GPATCH2: variants seen among roughly 807,000 people sequenced by gnomAD.
The protein encoded by GPATCH2 is G patch domain-containing protein 2.
In GPATCH2, 51 loss-of-function variants were observed where a neutral mutation model predicts 58.0. That is an observed-to-expected ratio of 0.88 (90% confidence interval 0.70 to 1.11). The LOEUF is 1.11. GPATCH2 is among the 50% of genes most tolerant of loss of function. The probability of loss-of-function intolerance (pLI) is 0.00; values close to 1 mark genes in which losing one functional copy is unlikely to be tolerated. For missense variants in GPATCH2, 625 were observed against 652.2 expected, an observed-to-expected ratio of 0.96 and a Z score of 0.45; for synonymous variants, 222 against 218.5, an observed-to-expected ratio of 1.02 and a Z score of -0.14.
chr1:217,490,636 T>C (rs1308465552), intron 8 of GPATCH2, among the ~76,000 whole-genome samples: 1 of 152,230 alleles, frequency 6.6e-6, no homozygotes, highest in Non-Finnish European at 1.5e-5. Context: ...ACATTTCTCA[T>C]TTCTAAAAAT....
intron 5 of GPATCH2, among the ~76,000 whole-genome samples, chr1:217,521,116 G>A (rs1663433089): frequency 6.6e-6 from 1 of 152,178 alleles, no homozygotes; most frequent in African/African-American, 2.4e-5. Flanking sequence ...CAAGTACTGG[G>A]ATTACAGGCA....
At chr1:217,535,094 C>T (rs1387884702) in intron 5 of GPATCH2, among the ~76,000 whole-genome samples, 6 of 152,166 alleles carry the variant, frequency 3.9e-5, no homozygotes, top group African/African-American at 1.4e-4. Flanking sequence ...GTTCTTATGC[C>T]TAGCAGATTT....
intron 5 of GPATCH2, among the ~76,000 whole-genome samples, chr1:217,576,736 C>T (rs891328857): frequency 2.6e-5 from 4 of 152,052 alleles, no homozygotes; most frequent in East Asian, 1.9e-4. Context: ...CGCACCAGTA[C>T]GGATTTGGAA....
chr1:217,553,398 C>A (rs1247263591), intron 5 of GPATCH2, among the ~76,000 whole-genome samples: 2 of 152,082 alleles, frequency 1.3e-5, no homozygotes, highest in Non-Finnish European at 2.9e-5. Context: ...CCAATCATCA[C>A]ATTTTATTGA....
At chr1:217,493,969 TA>T (rs1375957935) in intron 7 of GPATCH2, among the ~76,000 whole-genome samples, 1 of 150,152 alleles carries the variant, frequency 6.7e-6, no homozygotes, top group African/African-American at 2.5e-5. Flanking sequence ...GAAAAAAAAA[TA>T]AAAAATTTAT....
intron 6 of GPATCH2, among the ~76,000 whole-genome samples, chr1:217,503,921 T>C (rs1443769780): frequency 1.3e-5 from 2 of 152,174 alleles, no homozygotes; most frequent in Non-Finnish European, 2.9e-5. Context: ...GGGACAGTTA[T>C]TATTACCATT....
In GPATCH2 at chr1:217,536,374, T is replaced by C. The variant is rs186569498; in HGVS notation, c.1099-21485A>G. On this transcript the variant is annotated intron_variant, in intron 5 of 9. Coordinates refer to ENST00000366935, the MANE Select transcript of GPATCH2 (RefSeq NM_018040.5). ...ACAACACTCTGGCAAACAAGAGGCA[T>C]ACATGCACTGAATATTTTATCAAGA... Among the ~76,000 whole-genome samples, 43 of 152,318 alleles carry C rather than the reference T, an allele frequency of 2.8e-4. No individual in the cohort carries two copies. The East Asian group carries it at 7.3e-3, about 26-fold the overall frequency.
intron 5 of GPATCH2, among the ~76,000 whole-genome samples, chr1:217,603,378 C>T (rs1339152606): frequency 1.3e-5 from 2 of 152,040 alleles, no homozygotes; most frequent in African/African-American, 4.8e-5. Context: ...GAATATAATA[C>T]ACATTAAAAT....
chr1:217,509,730 T>C (rs990554945), intron 6 of GPATCH2, among the ~76,000 whole-genome samples: 1 of 152,210 alleles, frequency 6.6e-6, no homozygotes, highest in African/African-American at 2.4e-5. Flanking sequence ...GAGCCTATGA[T>C]TTGAGTGTAA....
At chr1:217,628,939 A>G (rs2102862277) in intron 1 of GPATCH2, among the ~76,000 whole-genome samples, 1 of 152,226 alleles carries the variant, frequency 6.6e-6, no homozygotes, top group Middle Eastern at 3.4e-3. Context: ...TTGGGGGGGT[A>G]TACTGGAATC....
At chr1:217,607,878 T>C (rs368338870) in intron 5 of GPATCH2, among the ~76,000 whole-genome samples, 9 of 152,238 alleles carry the variant, frequency 5.9e-5, no homozygotes, top group Non-Finnish European at 1.3e-4. Flanking sequence ...TCATCATTCA[T>C]CTGCTTAAGA....
At chr1:217,605,228 T>G (rs1223281367) in intron 5 of GPATCH2, among the ~76,000 whole-genome samples, 1 of 152,176 alleles carries the variant, frequency 6.6e-6, no homozygotes, top group African/African-American at 2.4e-5. Context: ...AATATTCTTT[T>G]TCTCCTATAG....
At chr1:217,611,527 C>G (rs1668630849) in intron 3 of GPATCH2, among the ~76,000 whole-genome samples, 1 of 152,082 alleles carries the variant, frequency 6.6e-6, no homozygotes, top group Non-Finnish European at 1.5e-5. Context: ...ATTAGAAAAT[C>G]CATTTAAGTT....
In GPATCH2 at chr1:217,514,130, C is replaced by G. The variant is rs545580749; in HGVS notation, c.1166+692G>C. ...CTGTGAGCCACCATGCCTGGCCCCC[C>G]CGCAAAAAAAGCAAAACAGTCTTTT... On this transcript the variant is annotated intron_variant, in intron 6 of 9. Transcript: ENST00000366935. Among the ~76,000 whole-genome samples the G allele has an allele frequency of 1.8e-4, 26 of 145,846 alleles. No homozygotes were observed. The South Asian group carries it at 4.8e-3, about 27-fold the overall frequency.
Position 217,431,217 on chromosome 1 carries a change from T to C in GPATCH2, c.1515A>G (p.Gly505=). Residue 505 remains glycine (G), a synonymous_variant, in exon 10 of 10, where the codon GGA becomes GGG. Transcript: ENST00000366935. ...EPIQAMQRPK[G]LGLGFPLPKS... is the part of the protein sequence containing the mutation. ...TTGGTAGAGGAAATCCAAGTCCTAA[T>C]CCCTTTGGCCTCTGCATGGCTTGAA... 6.2e-7 allele frequency: 1 copy of C among 1,611,658 alleles called. No individual in the cohort carries two copies.
At chr1:217,498,327 A>G in intron 7 of GPATCH2, 29 bp downstream of exon 7, 3 of 1,569,360 alleles carry the variant, frequency 1.9e-6, no homozygotes, top group African/African-American at 2.7e-5. Context: ...AGGCTGAGTA[A>G]CTTCCTTTTG....
intron 5 of GPATCH2, among the ~76,000 whole-genome samples, chr1:217,606,922 TA>T (rs201045947): frequency 0.02 from 3,029 of 152,254 alleles, 48 homozygotes; most frequent in Middle Eastern, 0.041. Context: ...CAATCTCATT[TA>T]AAAACCTGAC....
intron 1 of GPATCH2, among the ~76,000 whole-genome samples, chr1:217,626,920 T>C (rs982011088): frequency 2.0e-5 from 3 of 151,798 alleles, no homozygotes; most frequent in Admixed American, 6.6e-5. Context: ...TTCTGAAACA[T>C]GTAAATGATT....
At chr1:217,450,961 A>G (rs1446770654) in intron 8 of GPATCH2, among the ~76,000 whole-genome samples, 3 of 152,152 alleles carry the variant, frequency 2.0e-5, no homozygotes, top group African/African-American at 7.2e-5. Flanking sequence ...TTATGGACTT[A>G]GCATAAGACT....
Sources: allele counts gnomAD v4.1 joint callset (sites outside exome capture counted in the v4.1 genomes callset), GRCh38; gene constraint gnomAD v4.1.1; transcripts MANE v1.5; gene names NCBI Gene and HGNC (gene_info 2026-07-23, HGNC 2026-07-21).